Variants in SECISBP2L observed in about 807,000 individuals in gnomAD.
The protein encoded by SECISBP2L is SECIS binding protein 2 like.
In SECISBP2L, 43 loss-of-function variants were observed where a neutral mutation model predicts 114.7. The ratio of observed to expected loss-of-function variants is 0.38; its 90% confidence interval spans 0.29 to 0.48. The LOEUF (loss-of-function observed/expected upper bound fraction) is 0.48, where lower values mean the gene tolerates loss of function less well. SECISBP2L is among the 20% of genes least tolerant of loss of function. The pLI, the probability that SECISBP2L is intolerant of heterozygous loss-of-function variation, is 0.98. For missense variants in SECISBP2L, 1,136 were observed against 1,301.1 expected, an observed-to-expected ratio of 0.87 and a Z score of 1.95; for synonymous variants, 451 against 439.7, an observed-to-expected ratio of 1.03 and a Z score of -0.32.
At chr15:49,043,645 TACCA>T (rs1377004319) in intron 1 of SECISBP2L, among the ~76,000 whole-genome samples, 9 of 150,578 alleles carry the variant, frequency 6.0e-5, no homozygotes, top group Non-Finnish European at 1.3e-4. Flanking sequence ...ATGCATTATA[TACCA>T]AGCAACACAT....
intron 14 of SECISBP2L, among the ~76,000 whole-genome samples, chr15:49,006,905 C>T (rs748370547): frequency 4.6e-5 from 7 of 152,096 alleles, no homozygotes; most frequent in Admixed American, 1.3e-4. Flanking sequence ...AGCCTTTTTG[C>T]GCTGGTTTTT....
chr15:49,012,428 T>C (rs906119806), intron 12 of SECISBP2L, among the ~76,000 whole-genome samples: 6 of 152,246 alleles, frequency 3.9e-5, no homozygotes, highest in Middle Eastern at 3.4e-3. Flanking sequence ...TTTAACCTTA[T>C]AGAAATAATT....
intron 5 of SECISBP2L, 138 bp downstream of exon 5, chr15:49,028,310 TAATAA>T: frequency 1.0e-6 from 1 of 984,094 alleles, no homozygotes; most frequent in Non-Finnish European, 1.5e-6. Flanking sequence ...ATATTTTTAT[TAATAA>T]AATACAAAAT....
chr15:49,008,655 G>A (rs182190147), intron 14 of SECISBP2L, among the ~76,000 whole-genome samples: 2 of 152,224 alleles, frequency 1.3e-5, no homozygotes, highest in Admixed American at 6.5e-5. Flanking sequence ...CATTTTTAAA[G>A]GTAAAATTAA....
At position 49,012,710 on chromosome 15, in the gene SECISBP2L, TAGA is replaced by T. The variant is rs1300351997; in HGVS notation, c.1666_1668del (p.Ser556del). On this transcript the variant is annotated inframe_deletion, in exon 12 of 18. Transcript: ENST00000559471. ...TCCTTCTCTTTTCCTTTTTTTGCTT[TAGA>T]AGAAGCAATGTCCACAGAATTAAAG... 7.4e-6 allele frequency: 12 copies of T among 1,613,862 alleles called. No homozygotes were observed. Among genetic ancestry groups the T allele is most frequent in the African/African-American group, 1.3e-5 (1 of 74,932 alleles).
At chr15:48,999,792 A>C in intron 16 of SECISBP2L, 41 bp downstream of exon 16, 1 of 1,590,836 alleles carries the variant, frequency 6.3e-7, no homozygotes, top group Non-Finnish European at 8.6e-7. Context: ...TATCTGGGGG[A>C]TGTGCTGGAG....
chr15:49,001,216 G>A (rs928202945), intron 14 of SECISBP2L, 119 bp from the exon 15 acceptor site: 12 of 658,888 alleles, frequency 1.8e-5, no homozygotes, highest in Non-Finnish European at 2.5e-5. Context: ...TTCATGAAAA[G>A]TCTCTTAAAG....
chr15:49,017,471 TCTTTAATATTTCC>T, intron 9 of SECISBP2L, 64 bp downstream of exon 9: 1 of 927,292 alleles, frequency 1.1e-6, no homozygotes, highest in Non-Finnish European at 1.7e-6. Context: ...TTTACACTTA[TCTTTAATATTTCC>T]CTTCAACATA....
At chr15:49,007,398 T>G (rs1377101503) in intron 14 of SECISBP2L, among the ~76,000 whole-genome samples, 1 of 152,214 alleles carries the variant, frequency 6.6e-6, no homozygotes, top group Non-Finnish European at 1.5e-5. Flanking sequence ...CGTCCACAGC[T>G]GCCCCTTCCC....
At position 49,017,011 on chromosome 15, in the gene SECISBP2L, T is replaced by C; in HGVS notation, c.1256A>G (p.Asp419Gly). The C allele has an allele frequency of 6.2e-7, 1 of 1,611,138 alleles. No homozygotes were observed. The highest frequency in any genetic ancestry group is 1.7e-5 in the Admixed American group (1 of 59,312). ...IQQKLSSKVL[D>G]DLPENSPINI... ...GATTGGTGAGTTTTCAGGTAAATCATCCAACTATGATAACCAGAAAAAACA... is the reference window on the plus strand; with the variant it reads ...GATTGGTGAGTTTTCAGGTAAATCACCCAACTATGATAACCAGAAAAAACA... Residue 419 changes from aspartate to glycine, a missense_variant, in exon 10 of 18, where the codon GAT (aspartate) becomes GGT (glycine). Around this residue, in one of 2 missense-constraint regions of SECISBP2L, gnomAD observed 684 missense variants for 848.7 expected, o/e 0.81. Transcript: ENST00000559471.
chr15:49,033,178 A>G (rs1283592927), intron 3 of SECISBP2L, 78 bp from the exon 4 acceptor site: 17 of 1,452,222 alleles, frequency 1.2e-5, no homozygotes, highest in Non-Finnish European at 1.6e-5. Flanking sequence ...ACACATCTAA[A>G]ATAAACATTA....
In SECISBP2L at chr15:49,015,669, G is replaced by A. The variant is rs544220957; in HGVS notation, c.1561+891C>T. ...AAAGCTGAGCTCTAAATCTGACAAGGTTTGTTAAAATAGAAATTACTGTTT... is the reference window on the plus strand; with the variant it reads ...AAAGCTGAGCTCTAAATCTGACAAGATTTGTTAAAATAGAAATTACTGTTT... On this transcript the variant is annotated intron_variant, in intron 11 of 17. Coordinates refer to ENST00000559471, the MANE Select transcript of SECISBP2L (RefSeq NM_001193489.2). 7.2e-4 allele frequency among the ~76,000 whole-genome samples: 109 copies of A among 152,200 alleles called. 1 individual carries two copies. The highest frequency in any genetic ancestry group is 1.0e-3 in the Non-Finnish European group (68 of 68,008).
chr15:49,000,860 A>C lies in SECISBP2L; in HGVS notation c.2248+17T>G. The C allele has an allele frequency of 2.5e-6, 4 of 1,603,644 alleles. No individual in the cohort carries two copies. The highest frequency in any genetic ancestry group is 2.6e-6 in the Non-Finnish European group (3 of 1,174,776). On this transcript the variant is annotated intron_variant, in intron 15 of 17. Coordinates refer to ENST00000559471, the MANE Select transcript of SECISBP2L (RefSeq NM_001193489.2). The stretch of plus-strand genomic sequence containing the variant: ...CAGCTATACTATCAAAACACTTCAA[A>C]AGCAAAAAGCGCATACCTTTTGACT...
intron 4 of SECISBP2L, among the ~76,000 whole-genome samples, chr15:49,032,568 G>C (rs1282685057): frequency 6.6e-6 from 1 of 152,144 alleles, no homozygotes. Flanking sequence ...AACTTCCTAA[G>C]TTCTTTCTAC....
rs1903252427 is a variant in SECISBP2L, at chr15:49,046,387, C to G, written c.-88G>C. 2 of 1,345,146 alleles carry G rather than the reference C, an allele frequency of 1.5e-6. No individual in the cohort carries two copies. The highest frequency in any genetic ancestry group is 1.9e-6 in the Non-Finnish European group (2 of 1,028,640). 83.3% of individuals were successfully genotyped at this position (1,345,146 alleles called of 1,614,324 possible). A position where few individuals can be genotyped will look rare whatever the true frequency, so the allele number is the denominator to read the frequency against. On this transcript the variant is annotated 5_prime_UTR_variant, in exon 1 of 18. Transcript: ENST00000559471. ...CCATGGCCCCCCGCTCGGGTCCAGACTGGGTTCCGGACCTCCGCCCCTATC... is the reference window on the plus strand; with the variant it reads ...CCATGGCCCCCCGCTCGGGTCCAGAGTGGGTTCCGGACCTCCGCCCCTATC...
In SECISBP2L at chr15:49,046,306, T is replaced by G; in HGVS notation, c.-7A>C. ...CCGTGGGGGCTCGGTCCATGGTGCC[T>G]GCAGCCGCAACGGGCCCGCGCTAGT... On this transcript the variant is annotated 5_prime_UTR_variant, in exon 1 of 18. Coordinates refer to ENST00000559471, the MANE Select transcript of SECISBP2L (RefSeq NM_001193489.2). 6.5e-7 allele frequency: 1 copy of G among 1,546,810 alleles called. No homozygotes were observed. Among genetic ancestry groups the G allele is most frequent in the Non-Finnish European group, 8.7e-7 (1 of 1,147,304 alleles).
chr15:49,009,375 G>T lies in SECISBP2L; in HGVS notation c.1868C>A (p.Thr623Asn). The T allele has an allele frequency of 3.7e-6, 6 of 1,612,192 alleles. No individual in the cohort carries two copies. The highest frequency in any genetic ancestry group is 4.2e-6 in the Non-Finnish European group (5 of 1,179,322). The change falls in exon 14 of 18, where the codon ACT (threonine) becomes AAT (asparagine). Residue 623 changes from threonine (T) to asparagine (N), a missense_variant. By Grantham distance (65) the Thr-to-Asn change is moderately conservative (BLOSUM62 0). Transcript: ENST00000559471. ...LPQEIVSQED[T>N]GLSMPSDTSL... ...AGTATCACTGGGCATGCTTAGTCCA[G>T]TATCTGTGGAGATGTGGAGTGAAGG... is the stretch of plus-strand genomic sequence containing the variant.
At chr15:49,042,828 G>C (rs374507453) in intron 1 of SECISBP2L, among the ~76,000 whole-genome samples, 2 of 152,214 alleles carry the variant, frequency 1.3e-5, no homozygotes, top group Admixed American at 1.3e-4. Flanking sequence ...TCAGAAGTTC[G>C]AGACCAGCCT....
chr15:49,034,658 G>GTA (rs1320594751), intron 3 of SECISBP2L, among the ~76,000 whole-genome samples: 1 of 102,658 alleles, frequency 9.7e-6, no homozygotes, highest in Non-Finnish European at 2.1e-5. Flanking sequence ...AAGATTGAAA[G>GTA]TATATCTTTT....
Sources: allele counts gnomAD v4.1 joint callset (sites outside exome capture counted in the v4.1 genomes callset), GRCh38; gene constraint gnomAD v4.1.1; regional missense constraint gnomAD v4.1.1; transcripts MANE v1.5; gene names NCBI Gene and HGNC (gene_info 2026-07-23, HGNC 2026-07-21).